The following TLN2 variants were observed in gnomAD, a reference collection of about 807,000 sequenced individuals.
TLN2 encodes talin 2.
Under a neutral mutation model 294.7 loss-of-function variants are expected in TLN2, and 118 were observed. The ratio of observed to expected loss-of-function variants is 0.40; its 90% confidence interval spans 0.34 to 0.47. The LOEUF is 0.47. Ranked by LOEUF, TLN2 falls within the 20% of genes least tolerant of loss-of-function variation. The pLI, the probability that TLN2 is intolerant of heterozygous loss-of-function variation, is 0.84. For missense variants in TLN2, 3,083 were observed against 3,282.2 expected (o/e 0.94, Z 1.48); for synonymous variants, 1,431 against 1,304.5 (o/e 1.10, Z -2.09).
At chr15:62,798,666 G>A (rs916561679) in intron 48 of TLN2, among the ~76,000 whole-genome samples, 2 of 152,160 alleles carry the variant, frequency 1.3e-5, no homozygotes, top group African/African-American at 2.4e-5. Context: ...GACAAAACTG[G>A]TTAGAAACCC....
At chr15:62,640,147 GGTGGGTT>G (rs2050851984) in intron 3 of TLN2, 1 of 455,226 alleles carries the variant, frequency 2.2e-6, no homozygotes, top group East Asian at 6.9e-5. Context: ...CCCAGTGCAT[GGTGGGTT>G]CTTACCTGCA....
At chr15:62,402,132 GT>G (rs1223052762) in intron 1 of TLN2, among the ~76,000 whole-genome samples, 1 of 152,144 alleles carries the variant, frequency 6.6e-6, no homozygotes, top group African/African-American at 2.4e-5. Context: ...ACACACAGAA[GT>G]TTCACAAAAC....
At chr15:62,738,621 T>A (rs1198971430) in intron 30 of TLN2, among the ~76,000 whole-genome samples, 1 of 152,172 alleles carries the variant, frequency 6.6e-6, no homozygotes, top group Non-Finnish European at 1.5e-5. Flanking sequence ...CATCAGGACA[T>A]CTCAGATAGT....
chr15:62,656,082 T>C lies in TLN2; in HGVS notation c.656T>C (p.Val219Ala). The change falls in exon 8 of 59, where the codon GTT becomes GCT. Residue 219 changes from valine (V) to alanine (A), a missense_variant. Coordinates refer to ENST00000636159, the MANE Select transcript of TLN2 (RefSeq NM_015059.3). ...CCCGTGCAGCTGAACTTGCTTTATG[T>C]TCAGGTACAGTATTTACTGCTCAGA... is the stretch of plus-strand genomic sequence containing the variant. ...RDPVQLNLLY[V>A]QARDDILNGS... The C allele has an allele frequency of 6.2e-7, 1 of 1,614,204 alleles. No homozygotes were observed. Among genetic ancestry groups the C allele is most frequent in the African/African-American group, 1.3e-5 (1 of 75,062 alleles).
At chr15:62,694,707 G>A (rs933610000) in intron 14 of TLN2, among the ~76,000 whole-genome samples, 1 of 152,178 alleles carries the variant, frequency 6.6e-6, no homozygotes, top group Non-Finnish European at 1.5e-5. Flanking sequence ...CATGATCATT[G>A]AGCCGTACCG....
chr15:62,392,213 T>G (rs1258096463), intron 1 of TLN2, among the ~76,000 whole-genome samples: 1 of 152,214 alleles, frequency 6.6e-6, no homozygotes, highest in African/African-American at 2.4e-5. Flanking sequence ...AAACTTGGAT[T>G]CTTGCTGTCC....
chr15:62,693,694 C>T (rs1351405278), intron 13 of TLN2, among the ~76,000 whole-genome samples: 2 of 151,746 alleles, frequency 1.3e-5, no homozygotes, highest in Non-Finnish European at 2.9e-5. Flanking sequence ...ACAGCCCATT[C>T]AAAAAACCAA....
At chr15:62,534,938 C>T (rs780231114) in intron 1 of TLN2, among the ~76,000 whole-genome samples, 1 of 152,212 alleles carries the variant, frequency 6.6e-6, no homozygotes, top group South Asian at 2.1e-4. Context: ...CTGATCCTGG[C>T]TCTGCCCCTA....
intron 1 of TLN2, among the ~76,000 whole-genome samples, chr15:62,574,302 C>T (rs578167599): frequency 1.2e-4 from 18 of 151,760 alleles, no homozygotes; most frequent in Middle Eastern, 3.4e-3. Context: ...ATTAGCCAGG[C>T]GCGGTGGCTC....
chr15:62,511,988 T>C (rs1283872819), intron 1 of TLN2, among the ~76,000 whole-genome samples: 4 of 152,180 alleles, frequency 2.6e-5, no homozygotes, highest in Non-Finnish European at 4.4e-5. Context: ...TGTCTAGTCC[T>C]GGTCAGTGCA....
intron 2 of TLN2, among the ~76,000 whole-genome samples, chr15:62,608,398 C>T (rs892078467): frequency 2.0e-5 from 3 of 152,060 alleles, no homozygotes; most frequent in Non-Finnish European, 4.4e-5. Context: ...TTCAGAAGTC[C>T]ACTGGCTGGG....
intron 1 of TLN2, among the ~76,000 whole-genome samples, chr15:62,532,989 C>T (rs1281114989): frequency 3.3e-5 from 5 of 152,068 alleles, no homozygotes; most frequent in Non-Finnish European, 7.4e-5. Context: ...CGCGATGGCT[C>T]ACACCTGTTA....
intron 37 of TLN2, among the ~76,000 whole-genome samples, chr15:62,761,406 T>C (rs1244645827): frequency 6.6e-6 from 1 of 152,122 alleles, no homozygotes; most frequent in Non-Finnish European, 1.5e-5. Flanking sequence ...CAGGGTGCTG[T>C]TTAAATCTGT....
chr15:62,424,728 C>G (rs919049886), intron 1 of TLN2, among the ~76,000 whole-genome samples: 1 of 152,152 alleles, frequency 6.6e-6, no homozygotes, highest in Non-Finnish European at 1.5e-5. Flanking sequence ...TCTTGGCTCA[C>G]TGCAATCTCT....
intron 1 of TLN2, among the ~76,000 whole-genome samples, chr15:62,567,838 TGGG>T (rs990219657): frequency 1.3e-5 from 2 of 151,942 alleles, no homozygotes; most frequent in African/African-American, 4.8e-5. Flanking sequence ...AACTCTGTCT[TGGG>T]GGAAAAGACA....
intron 1 of TLN2, among the ~76,000 whole-genome samples, chr15:62,484,696 A>C (rs2038293113): frequency 6.6e-6 from 1 of 152,090 alleles, no homozygotes; most frequent in South Asian, 2.1e-4. Flanking sequence ...AAGTGCTGGG[A>C]TTACAGGCGT....
At chr15:62,501,663 G>C (rs2039315480) in intron 1 of TLN2, among the ~76,000 whole-genome samples, 1 of 152,218 alleles carries the variant, frequency 6.6e-6, no homozygotes, top group Non-Finnish European at 1.5e-5. Context: ...CAATTAGAGG[G>C]ACCCATCCAC....
chr15:62,654,918 T>C (rs1348253009), intron 7 of TLN2, among the ~76,000 whole-genome samples: 5 of 151,904 alleles, frequency 3.3e-5, no homozygotes, highest in Non-Finnish European at 5.9e-5. Context: ...ACTGAAAGGG[T>C]CTTAATTTAT....
rs187590004 is a variant in TLN2 at position 62,417,729 on chromosome 15, T to C, written c.-238+27044T>C. Reference sequence around the variant, plus strand: ...TGGTGGTAGAGATTACGTACTCTACTTGACTCTCAGCCACAACAGTGCCTG... The same window carrying C: ...TGGTGGTAGAGATTACGTACTCTACCTGACTCTCAGCCACAACAGTGCCTG... On this transcript the variant is annotated intron_variant, in intron 1 of 58. Coordinates refer to ENST00000636159, the MANE Select transcript of TLN2 (RefSeq NM_015059.3). Among the ~76,000 whole-genome samples the C allele has an allele frequency of 7.9e-5, 12 of 152,350 alleles. No homozygotes were observed. The East Asian group carries it at 1.9e-3, about 25-fold the overall frequency.
Sources: gnomAD v4.1 joint callset for allele counts (sites outside exome capture counted in the v4.1 genomes callset) on GRCh38, gnomAD v4.1.1 for gene constraint, MANE v1.5 for transcripts, NCBI Gene and HGNC (gene_info 2026-07-23, HGNC 2026-07-21) for gene names.